COL14A1: variants seen among roughly 807,000 people sequenced by gnomAD.
COL14A1 encodes collagen alpha-1(XIV) chain.
A neutral mutation model predicts 230.3 loss-of-function variants in COL14A1; 136 were observed. That is an observed-to-expected ratio of 0.59 (90% CI 0.51 to 0.68). The LOEUF is 0.68. COL14A1 is among the 30% of genes least tolerant of loss of function. The pLI is 0.00. For synonymous variants in COL14A1, 792 were observed against 784.1 expected (o/e 1.01, Z -0.17); for missense variants, 1,976 against 2,215.8 (o/e 0.89, Z 2.17).
intron 45 of COL14A1, among the ~76,000 whole-genome samples, chr8:120,359,501 A>G (rs1249316292): frequency 2.6e-5 from 4 of 152,326 alleles, no homozygotes; most frequent in East Asian, 1.9e-4. Flanking sequence ...TTTAAATATT[A>G]TCAACTGGTT....
chr8:120,272,680 T>C (rs1291518207), intron 26 of COL14A1, among the ~76,000 whole-genome samples: 3 of 150,788 alleles, frequency 2.0e-5, no homozygotes, highest in African/African-American at 7.3e-5. Flanking sequence ...AAAGCAACAA[T>C]AGTAGAAAAA....
chr8:120,342,306 T>G, intron 43 of COL14A1, 74 bp from the exon 44 acceptor site: 1 of 1,466,800 alleles, frequency 6.8e-7, no homozygotes. Flanking sequence ...GCAAGTCAGA[T>G]CCACATCCTG....
At chr8:120,341,939 A>G (rs145659019) in intron 43 of COL14A1, among the ~76,000 whole-genome samples, 3 of 152,284 alleles carry the variant, frequency 2.0e-5, no homozygotes, top group Non-Finnish European at 2.9e-5. Context: ...GGCTCATCCA[A>G]TTACCTCTGT....
At chr8:120,124,680 C>T (rs1814259063), upstream of COL14A1, among the ~76,000 whole-genome samples, 1 of 152,242 alleles carries the variant, frequency 6.6e-6, no homozygotes, top group East Asian at 1.9e-4. Context: ...ATAGTGGATA[C>T]CTGTTTCACT....
At chr8:120,369,253 G>A in intron 46 of COL14A1, 77 bp from the exon 47 acceptor site, 2 of 1,414,484 alleles carry the variant, frequency 1.4e-6, no homozygotes, top group East Asian at 5.1e-5. Context: ...CTAAGAGTTA[G>A]TTTACTTCTT....
intron 26 of COL14A1, among the ~76,000 whole-genome samples, chr8:120,271,657 G>A (rs1001730407): frequency 6.6e-6 from 1 of 151,586 alleles, no homozygotes; most frequent in Non-Finnish European, 1.5e-5. Flanking sequence ...GAGGACCCAA[G>A]GTGAGAATGA....
intron 2 of COL14A1, among the ~76,000 whole-genome samples, chr8:120,153,481 C>T (rs1046696276): frequency 3.9e-5 from 6 of 152,088 alleles, no homozygotes; most frequent in Non-Finnish European, 7.4e-5. Context: ...CACTGTACCC[C>T]GCCAATAATC....
At chr8:120,347,041 G>A (rs967394292) in intron 45 of COL14A1, among the ~76,000 whole-genome samples, 1 of 152,140 alleles carries the variant, frequency 6.6e-6, no homozygotes, top group African/African-American at 2.4e-5. Flanking sequence ...TGTCAGCAGG[G>A]CATCCTCTGC....
At chr8:120,135,456 G>A (rs1293267644) in intron 1 of COL14A1, among the ~76,000 whole-genome samples, 1 of 152,016 alleles carries the variant, frequency 6.6e-6, no homozygotes, top group Non-Finnish European at 1.5e-5. Context: ...GTAGAGATGG[G>A]GTGTCACCAT....
intron 18 of COL14A1, among the ~76,000 whole-genome samples, chr8:120,230,819 G>T (rs759953173): frequency 2.2e-4 from 34 of 152,218 alleles, no homozygotes; most frequent in Non-Finnish European, 4.4e-4. Flanking sequence ...AAAGGGAAAT[G>T]AAGTTAGGGT....
chr8:120,314,160 T>G (rs1586855338), intron 38 of COL14A1, 133 bp downstream of exon 38: 1 of 629,362 alleles, frequency 1.6e-6, no homozygotes, highest in Non-Finnish European at 2.7e-6. Context: ...GGAGTGTCAT[T>G]TCACTAGTTG....
intron 45 of COL14A1, among the ~76,000 whole-genome samples, chr8:120,361,415 T>C (rs1239844151): frequency 6.6e-6 from 1 of 152,236 alleles, no homozygotes; most frequent in Non-Finnish European, 1.5e-5. Context: ...AAACTGGTAC[T>C]AGTCCTACAG....
At chr8:120,173,585 A>ATCTATCTATCTATCTATCTATCTATCTT (rs1487522965) in intron 5 of COL14A1, among the ~76,000 whole-genome samples, 2 of 151,308 alleles carry the variant, frequency 1.3e-5, no homozygotes, top group East Asian at 3.9e-4. Flanking sequence ...CTATCTATCT[A>ATCTATCTATCTATCTATCTATCTATCTT]TCATTTATCA....
At chr8:120,341,401 G>T (rs377170969) in intron 43 of COL14A1, 41 bp downstream of exon 43, 53 of 1,607,988 alleles carry the variant, frequency 3.3e-5, no homozygotes, top group Non-Finnish European at 4.0e-5. Flanking sequence ...CCAGCTTGTT[G>T]CACCCCTTCC....
chr8:120,204,915 G>T (rs1194060794), intron 9 of COL14A1, among the ~76,000 whole-genome samples: 1 of 152,066 alleles, frequency 6.6e-6, no homozygotes, highest in African/African-American at 2.4e-5. Context: ...AGATAGGATT[G>T]TAGGGGAAAA....
At chr8:120,168,096 A>G in intron 4 of COL14A1, 65 bp from the exon 5 acceptor site, 1 of 1,165,380 alleles carries the variant, frequency 8.6e-7, no homozygotes, top group South Asian at 1.5e-5. Context: ...TTTTAGTAAA[A>G]CTCACTGAAT....
intron 31 of COL14A1, among the ~76,000 whole-genome samples, chr8:120,282,810 T>C (rs2129915080): frequency 1.3e-5 from 2 of 152,062 alleles, no homozygotes; most frequent in South Asian, 4.2e-4. Context: ...CTGGGAGAGA[T>C]TAGCATGTGG....
rs553241941 is a variant in COL14A1, at chr8:120,371,565, G to C, written c.*334G>C. On this transcript the variant is annotated 3_prime_UTR_variant, in exon 48 of 48. Transcript: ENST00000297848. ...AATCTTCTCTCTCAAGTCCTAAAAT[G>C]AACAAACAGATATGATTGTGTTTGA... The C allele has an allele frequency of 2.8e-4, 112 of 398,178 alleles. 1 individual carries two copies. Among genetic ancestry groups the C allele is most frequent in the African/African-American group, 2.1e-3 (102 of 48,664 alleles). The allele number at this position is 398,178 out of a possible 1,614,324, so 24.7% of individuals were successfully genotyped here.
At chr8:120,173,953 A>G (rs1816189434) in intron 5 of COL14A1, among the ~76,000 whole-genome samples, 1 of 152,204 alleles carries the variant, frequency 6.6e-6, no homozygotes, top group Admixed American at 6.5e-5. Context: ...TGTGTTCAAA[A>G]GGATCTTGGA....
Sources: allele counts gnomAD v4.1 joint callset (sites outside exome capture counted in the v4.1 genomes callset), GRCh38; gene constraint gnomAD v4.1.1; transcripts MANE v1.5; gene names NCBI Gene and HGNC (gene_info 2026-07-23, HGNC 2026-07-21).